Variants in MKKS observed in about 807,000 individuals in gnomAD.
MKKS encodes the protein molecular chaperone MKKS.
Under a neutral mutation model 33.2 loss-of-function variants are expected in MKKS, and 29 were observed. The ratio of observed to expected loss-of-function variants is 0.87; its 90% confidence interval spans 0.65 to 1.19. The LOEUF (loss-of-function observed/expected upper bound fraction) is 1.19. Ranked by LOEUF, MKKS falls within the 50% of genes most tolerant of loss-of-function variation. The pLI is 0.00. For synonymous variants in MKKS, 260 were observed against 244.0 expected, an observed-to-expected ratio of 1.07 and a Z score of -0.61; for missense variants, 661 against 662.3, an observed-to-expected ratio of 1.00 and a Z score of 0.02.
intron 1 of MKKS, among the ~76,000 whole-genome samples, chr20:10,423,852 C>A (rs1375926617): frequency 6.6e-6 from 1 of 152,218 alleles, no homozygotes; most frequent in Non-Finnish European, 1.5e-5. Flanking sequence ...CTAAACATCA[C>A]TGAGACTCAG....
intron 1 of MKKS, among the ~76,000 whole-genome samples, chr20:10,425,892 C>G (rs1165600612): frequency 6.6e-6 from 1 of 152,020 alleles, no homozygotes; most frequent in East Asian, 1.9e-4. Flanking sequence ...AAAAAAGACT[C>G]CTTTAGAAGG....
intron 2 of MKKS, among the ~76,000 whole-genome samples, chr20:10,415,214 T>C (rs1340695542): frequency 6.6e-6 from 1 of 152,298 alleles, no homozygotes; most frequent in Non-Finnish European, 1.5e-5. Context: ...TTTAAAGGTA[T>C]ATTATTCGTT....
chr20:10,412,737 C>A lies in MKKS; in HGVS notation c.778G>T (p.Val260Leu). Residue 260 changes from valine to leucine, a missense_variant, in exon 3 of 6, where the codon GTG becomes TTG. Coordinates refer to ENST00000347364, the MANE Select transcript of MKKS (RefSeq NM_170784.3). ...AGAGAAACCCCATAACTGACCACCACAGTTCCTTCTCCAGTGTCAGAAGTG... is the reference window on the plus strand; with the variant it reads ...AGAGAAACCCCATAACTGACCACCAAAGTTCCTTCTCCAGTGTCAGAAGTG... Reference protein sequence around the residue: ...GDTSDTGEGTVVVSYGVSLEN... With the variant: ...GDTSDTGEGTLVVSYGVSLEN... 6.2e-7 allele frequency: 1 copy of A among 1,614,188 alleles called. No individual in the cohort carries two copies. Among genetic ancestry groups the A allele is most frequent in the South Asian group, 1.1e-5 (1 of 91,088 alleles).
chr20:10,422,954 G>A (rs60504650), intron 1 of MKKS, among the ~76,000 whole-genome samples: 21,718 of 151,874 alleles, frequency 0.14, 1,745 homozygotes, highest in East Asian at 0.24. Context: ...CTTGCGATCC[G>A]CTCGCCTCGG....
intron 1 of MKKS, among the ~76,000 whole-genome samples, chr20:10,423,398 G>A (rs185754049): frequency 2.0e-5 from 3 of 152,206 alleles, no homozygotes; most frequent in African/African-American, 7.2e-5. Flanking sequence ...CTCCAGGACA[G>A]GTGATGAAAT....
chr20:10,422,425 G>A (rs947723512), intron 1 of MKKS, among the ~76,000 whole-genome samples: 1 of 152,056 alleles, frequency 6.6e-6, no homozygotes, highest in Non-Finnish European at 1.5e-5. Flanking sequence ...AAATTTCATT[G>A]TGAAGTCCAA....
chr20:10,405,695 G>A lies in MKKS; in HGVS notation c.1273-8C>T, dbSNP rs1456383318. The stretch of plus-strand genomic sequence containing the variant: ...TTCTGGGTCGTTGTGAGTCTAAAGA[G>A]TAATAAAAACATTGAAAACACATAC... On this transcript the variant is annotated splice_polypyrimidine_tract_variant and splice_region_variant and intron_variant, in intron 5 of 5. Coordinates refer to ENST00000347364, the MANE Select transcript of MKKS (RefSeq NM_170784.3). 1.2e-6 allele frequency: 2 copies of A among 1,607,058 alleles called. No individual in the cohort carries two copies. Among genetic ancestry groups the A allele is most frequent in the Non-Finnish European group, 1.7e-6 (2 of 1,173,894 alleles).
At chr20:10,423,550 G>A (rs375791) in intron 1 of MKKS, among the ~76,000 whole-genome samples, 6 of 152,188 alleles carry the variant, frequency 3.9e-5, no homozygotes, top group Admixed American at 1.3e-4. Flanking sequence ...AATGTTTGGG[G>A]AAGTGTTGTA....
Position 10,413,533 on chromosome 20 carries a change from T to C in MKKS, c.-19A>G. ...GAGACATCTTACTTCAGGTGGTAAC[T>C]AGTGAAGACCGTTTTTATTTTGTAA... On this transcript the variant is annotated 5_prime_UTR_variant, in exon 3 of 6. Coordinates refer to ENST00000347364, the MANE Select transcript of MKKS (RefSeq NM_170784.3). The C allele has an allele frequency of 6.2e-7, 1 of 1,613,968 alleles. No individual in the cohort carries two copies. Among genetic ancestry groups the C allele is most frequent in the Non-Finnish European group, 8.5e-7 (1 of 1,179,898 alleles).
At chr20:10,423,130 A>T (rs989862670) in intron 1 of MKKS, among the ~76,000 whole-genome samples, 1 of 152,082 alleles carries the variant, frequency 6.6e-6, no homozygotes, top group African/African-American at 2.4e-5. Context: ...AGGAAAAAAA[A>T]CCCTAGCTTA....
chr20:10,433,762 T>C (rs2065073163), intron 1 of MKKS, among the ~76,000 whole-genome samples: 1 of 151,908 alleles, frequency 6.6e-6, no homozygotes. Flanking sequence ...ACGGGGCCCC[T>C]CCCAGCGAGG....
intron 1 of MKKS, among the ~76,000 whole-genome samples, chr20:10,424,988 G>A (rs1443652163): frequency 3.3e-5 from 5 of 151,618 alleles, no homozygotes; most frequent in Admixed American, 3.3e-4. Flanking sequence ...GGGAGGCGGA[G>A]GTTGCAGTGA....
rs999421766 is a variant in MKKS, at chr20:10,401,041, G to A, written c.*4206C>T. ...GGCTAAAATAAGATGTTTATTATAA[G>A]TATTTTCTCAAAGAGAATTTTTAAT... On this transcript the variant is annotated 3_prime_UTR_variant, in exon 6 of 6. Coordinates refer to ENST00000347364, the MANE Select transcript of MKKS (RefSeq NM_170784.3). 1.3e-5 allele frequency: 2 copies of A among 152,032 alleles called. No homozygotes were observed. The highest frequency in any genetic ancestry group is 2.9e-5 in the Non-Finnish European group (2 of 68,010). 9.4% of individuals were successfully genotyped at this position (152,032 alleles called of 1,614,324 possible). A position where few individuals can be genotyped will look rare whatever the true frequency, so the allele number is the denominator to read the frequency against.
At position 10,412,677 on chromosome 20, in the gene MKKS, CT is replaced by C. The variant is rs776004321; in HGVS notation, c.837del (p.Gly280GlufsTer4). The C allele has an allele frequency of 3.7e-6, 6 of 1,613,978 alleles. No homozygotes were observed. The highest frequency in any genetic ancestry group is 5.1e-6 in the Non-Finnish European group (6 of 1,180,004). On this transcript the variant is annotated frameshift_variant, in exon 3 of 6. Coordinates refer to ENST00000347364, the MANE Select transcript of MKKS (RefSeq NM_170784.3). LOFTEE classifies it high-confidence loss of function. ...ACGTGGTCACTGATTAGCTGCCTTCCTAGGTTAAGCAGCTGGTCCAAGACTG... is the reference window on the plus strand; with the variant it reads ...ACGTGGTCACTGATTAGCTGCCTTCCAGGTTAAGCAGCTGGTCCAAGACTG... ...ENAVLDQLLN[L>X]GRQLISDHVD...
chr20:10,412,752 T>C lies in MKKS; in HGVS notation c.763A>G (p.Thr255Ala), dbSNP rs144344402. The change falls in exon 3 of 6, where the codon ACT becomes GCT. Residue 255 changes from threonine to alanine, a missense_variant. Coordinates refer to ENST00000347364, the MANE Select transcript of MKKS (RefSeq NM_170784.3). ...CTTLSGDTSDTGEGTVVVSYG... is the reference protein window; with the variant it reads ...CTTLSGDTSDAGEGTVVVSYG... The stretch of plus-strand genomic sequence containing the variant: ...CTGACCACCACAGTTCCTTCTCCAG[T>C]GTCAGAAGTGTCTCCGGATAAAGTT... The C allele has an allele frequency of 3.1e-6, 5 of 1,614,182 alleles. No homozygotes were observed. The African/African-American group carries it at 5.3e-5, about 17-fold the overall frequency.
rs1312567445 is a variant in MKKS, at chr20:10,434,158, G to A, written c.-699C>T. ...CAGGCCGCCACCGCCAGAGGCCCCA[G>A]AAACAGATCTCAAGCAGCCGCTGCT... On this transcript the variant is annotated 5_prime_UTR_variant, in exon 1 of 6. Transcript: ENST00000347364. 3 of 151,552 alleles carry A rather than the reference G, an allele frequency of 2.0e-5. No homozygotes were observed. Among genetic ancestry groups the A allele is most frequent in the African/African-American group, 7.3e-5 (3 of 41,164 alleles). The allele number at this position is 151,552 out of a possible 1,614,324, so 9.4% of individuals were successfully genotyped here. A position where few individuals can be genotyped will look rare whatever the true frequency, so the allele number is the denominator to read the frequency against.
intron 1 of MKKS, among the ~76,000 whole-genome samples, chr20:10,427,029 G>GACACACACACAGACAC (rs1226255722): frequency 0.013 from 1,667 of 130,760 alleles, 18 homozygotes; most frequent in South Asian, 0.015. Context: ...AGAAAACACT[G>GACACACACACAGACAC]ACACACACAC....
chr20:10,433,371 A>ATTGT (rs1474218200), intron 1 of MKKS, among the ~76,000 whole-genome samples: 2 of 152,188 alleles, frequency 1.3e-5, no homozygotes, highest in African/African-American at 4.8e-5. Flanking sequence ...TAGGGAGCGT[A>ATTGT]TTGTTTCTCC....
intron 1 of MKKS, among the ~76,000 whole-genome samples, chr20:10,430,751 G>A (rs1198631395): frequency 6.6e-6 from 1 of 152,204 alleles, no homozygotes; most frequent in East Asian, 1.9e-4. Flanking sequence ...AGCTGTGAAG[G>A]AAGTCAGAAA....
Sources: allele counts gnomAD v4.1 joint callset (sites outside exome capture counted in the v4.1 genomes callset), GRCh38; gene constraint gnomAD v4.1.1; transcripts MANE v1.5; gene names NCBI Gene and HGNC (gene_info 2026-07-23, HGNC 2026-07-21).